The following MMP26 variants were observed in gnomAD, a reference collection of about 807,000 sequenced individuals.
MMP26 encodes the protein matrix metalloproteinase-26.
Under a neutral mutation model 31.0 loss-of-function variants are expected in MMP26, and 33 were observed. The observed-to-expected ratio is 1.06, with a 90% confidence interval of 0.81 to 1.42. The LOEUF (loss-of-function observed/expected upper bound fraction) is 1.42, where lower values mean the gene tolerates loss of function less well. MMP26 is among the 40% of genes most tolerant of loss of function. The pLI is 0.00. For missense variants in MMP26, 347 were observed against 316.1 expected, an observed-to-expected ratio of 1.10 and a Z score of -0.74; for synonymous variants, 122 against 114.9, an observed-to-expected ratio of 1.06 and a Z score of -0.40.
chr11:4,710,188 C>G (rs1345929055), intron 1 of MMP26: 1 of 456,800 alleles, frequency 2.2e-6, no homozygotes, highest in Non-Finnish European at 4.4e-6. Context: ...ATTGTTATCT[C>G]TACTGCTGGC....
At chr11:4,781,789 A>C (rs1407911926) in intron 2 of MMP26, among the ~76,000 whole-genome samples, 3 of 152,102 alleles carry the variant, frequency 2.0e-5, no homozygotes, top group Non-Finnish European at 4.4e-5. Context: ...AAGTGATTGA[A>C]TTATGGGGGC....
chr11:4,829,643 A>G (rs1849620073), intron 2 of MMP26, among the ~76,000 whole-genome samples: 2 of 152,138 alleles, frequency 1.3e-5, no homozygotes, highest in African/African-American at 4.8e-5. Flanking sequence ...TTGAGGACCA[A>G]TAAATGTTAA....
intron 1 of MMP26, among the ~76,000 whole-genome samples, chr11:4,732,142 T>C (rs1048976613): frequency 2.0e-5 from 3 of 152,210 alleles, no homozygotes; most frequent in African/African-American, 7.2e-5. Flanking sequence ...CCTCAGAGAC[T>C]GAACCATCCC....
chr11:4,835,713 A>G (rs1424878734), intron 2 of MMP26, among the ~76,000 whole-genome samples: 1 of 152,184 alleles, frequency 6.6e-6, no homozygotes, highest in African/African-American at 2.4e-5. Context: ...CTTATACAGG[A>G]CCATTCAAAG....
chr11:4,980,025 C>G (rs7104839), intron 2 of MMP26, among the ~76,000 whole-genome samples: 103,136 of 151,842 alleles, frequency 0.68, 35,623 homozygotes, highest in African/African-American at 0.8. Context: ...AGCAGAATTT[C>G]ACAGAAAGAA....
chr11:4,855,903 G>T (rs1390460943), intron 2 of MMP26, among the ~76,000 whole-genome samples: 1 of 152,236 alleles, frequency 6.6e-6, no homozygotes, highest in South Asian at 2.1e-4. Flanking sequence ...CCAGAAGAGA[G>T]TGGGGGCCAA....
chr11:4,811,287 C>T (rs1285254601), intron 2 of MMP26, among the ~76,000 whole-genome samples: 2 of 151,960 alleles, frequency 1.3e-5, no homozygotes, highest in Admixed American at 6.6e-5. Flanking sequence ...TTTGGTGTAC[C>T]GATTATTTTA....
At chr11:4,985,558 A>G (rs1589824507) in intron 2 of MMP26, among the ~76,000 whole-genome samples, 2 of 152,300 alleles carry the variant, frequency 1.3e-5, no homozygotes, top group African/African-American at 4.8e-5. Flanking sequence ...TAACTGGGAT[A>G]TAGCACTCGC....
At position 4,907,794 on chromosome 11, in the gene MMP26, C is replaced by T. The variant is rs752731767; in HGVS notation, c.-144-80274C>T. The T allele has an allele frequency of 2.5e-5, 40 of 1,613,896 alleles. No homozygotes were observed. The highest frequency in any genetic ancestry group is 3.0e-5 in the Non-Finnish European group (35 of 1,179,996). ...TCTATCCTCACTAGCAACAGGGTTG[C>T]TAAAATGGGACTTATTTTAGCCATT... On this transcript the variant is annotated intron_variant, in intron 2 of 7. Coordinates refer to ENST00000380390, the MANE Select transcript of MMP26 (RefSeq NM_021801.5).
chr11:4,978,786 C>T (rs1163790479), intron 2 of MMP26, among the ~76,000 whole-genome samples: 4 of 152,176 alleles, frequency 2.6e-5, no homozygotes, highest in East Asian at 1.9e-4. Flanking sequence ...AAAAGGATTA[C>T]GTTGTTAGGG....
chr11:4,944,266 C>G (rs1589946748), intron 2 of MMP26: 1 of 230,018 alleles, frequency 4.3e-6, no homozygotes, highest in East Asian at 1.4e-4. Flanking sequence ...ATAATACTAT[C>G]CTGGAGCATC....
At position 4,803,575 on chromosome 11, in the gene MMP26, T is replaced by C. The variant is rs775626240; in HGVS notation, c.-145+36234T>C. The C allele has an allele frequency of 1.5e-5, 25 of 1,613,900 alleles. 1 individual carries two copies. The Middle Eastern group carries it at 6.6e-4, about 42-fold the overall frequency. ...GATGTGTACAACTCGGGGCACATCA[T>C]GGCCAAAGCGGTAGGTGAGGAAAGA... is the stretch of plus-strand genomic sequence containing the variant. On this transcript the variant is annotated intron_variant, in intron 2 of 7. Coordinates refer to ENST00000380390, the MANE Select transcript of MMP26 (RefSeq NM_021801.5).
chr11:4,961,600 A>G (rs1846521971), intron 2 of MMP26, among the ~76,000 whole-genome samples: 1 of 152,240 alleles, frequency 6.6e-6, no homozygotes. Flanking sequence ...AGACAATAAC[A>G]AAGTAATAGT....
At chr11:4,780,155 A>G (rs1848839431) in intron 2 of MMP26, among the ~76,000 whole-genome samples, 2 of 152,022 alleles carry the variant, frequency 1.3e-5, no homozygotes, top group Non-Finnish European at 2.9e-5. Flanking sequence ...GTTATTGTAA[A>G]CTTTCTTGCA....
At chr11:4,890,912 T>G (rs1338447647) in intron 2 of MMP26, among the ~76,000 whole-genome samples, 3 of 150,786 alleles carry the variant, frequency 2.0e-5, no homozygotes, top group East Asian at 3.9e-4. Context: ...TTACCCCATT[T>G]CAATGACAAA....
intron 2 of MMP26, among the ~76,000 whole-genome samples, chr11:4,940,855 A>T (rs1246870671): frequency 6.6e-6 from 1 of 152,174 alleles, no homozygotes; most frequent in African/African-American, 2.4e-5. Context: ...CCAGAGGCAG[A>T]TCAGCTAGTT....
At chr11:4,756,982 A>G (rs927095252) in intron 1 of MMP26, among the ~76,000 whole-genome samples, 3 of 152,192 alleles carry the variant, frequency 2.0e-5, no homozygotes, top group African/African-American at 7.2e-5. Context: ...TAATATCAAC[A>G]AGTCTTTTTT....
chr11:4,760,867 T>C (rs919432987), intron 1 of MMP26, among the ~76,000 whole-genome samples: 1 of 152,284 alleles, frequency 6.6e-6, no homozygotes. Context: ...ATTTAAGTAA[T>C]AGTGAGTGTG....
intron 2 of MMP26, among the ~76,000 whole-genome samples, chr11:4,881,101 G>T (rs1015101957): frequency 3.3e-5 from 5 of 152,146 alleles, no homozygotes; most frequent in Non-Finnish European, 7.3e-5. Context: ...CAGCAATGTT[G>T]AGAAAACCTT....
Sources: gnomAD v4.1 joint callset for allele counts (sites outside exome capture counted in the v4.1 genomes callset) on GRCh38, gnomAD v4.1.1 for gene constraint, MANE v1.5 for transcripts, NCBI Gene and HGNC (gene_info 2026-07-23, HGNC 2026-07-21) for gene names.